The following RNF141 variants were observed in gnomAD, a reference collection of about 807,000 sequenced individuals.
RNF141 encodes the protein ring finger protein 141, also known as C3HC4-like zinc finger protein.
A neutral mutation model predicts 27.4 loss-of-function variants in RNF141; 18 were observed. That is an observed-to-expected ratio of 0.66 (90% CI 0.45 to 0.97). The LOEUF (loss-of-function observed/expected upper bound fraction) is 0.97. Ranked by LOEUF, RNF141 falls within the 50% of genes least tolerant of loss-of-function variation. The pLI is 0.00. For missense variants in RNF141, 230 were observed against 279.4 expected, an observed-to-expected ratio of 0.82 and a Z score of 1.26; for synonymous variants, 97 against 96.6, an observed-to-expected ratio of 1.00 and a Z score of -0.02.
intron 3 of RNF141, among the ~76,000 whole-genome samples, chr11:10,527,907 CACTT>C (rs1352524717): frequency 6.6e-6 from 1 of 152,030 alleles, no homozygotes; most frequent in East Asian, 1.9e-4. Flanking sequence ...TGACAGGACT[CACTT>C]ACAGATTGTC....
chr11:10,533,647 T>C (rs1850008835), intron 2 of RNF141, among the ~76,000 whole-genome samples: 1 of 152,108 alleles, frequency 6.6e-6, no homozygotes, highest in South Asian at 2.1e-4. Context: ...TAGGAGTCTT[T>C]CTCTAGAGTG....
chr11:10,539,371 T>A (rs910876061), intron 1 of RNF141, among the ~76,000 whole-genome samples: 2 of 151,948 alleles, frequency 1.3e-5, no homozygotes, highest in African/African-American at 4.8e-5. Flanking sequence ...TTTAAAAACC[T>A]CTCTGAAACC....
At chr11:10,522,669 A>T (rs1849897336) in intron 4 of RNF141, among the ~76,000 whole-genome samples, 1 of 152,230 alleles carries the variant, frequency 6.6e-6, no homozygotes, top group South Asian at 2.1e-4. Flanking sequence ...AGGCTGGAAA[A>T]GAGAACAGAT....
rs1849843279 is a variant in RNF141 at position 10,516,420 on chromosome 11, G to A, written c.543-1354C>T. 3 of 152,236 alleles carry A rather than the reference G, an allele frequency of 2.0e-5. No individual in the cohort carries two copies. The South Asian group carries it at 6.2e-4, about 31-fold the overall frequency. The allele number at this position is 152,236 out of a possible 1,614,324, so 9.4% of individuals were successfully genotyped here. A position where few individuals can be genotyped will look rare whatever the true frequency, so the allele number is the denominator to read the frequency against. ...CTTGCCTCAGCTTACAGCCTCGAGA[G>A]TTTCTAGCCCCTGATCAAGAAGCGG... On this transcript the variant is annotated intron_variant, in intron 5 of 5. Transcript: ENST00000265981.
chr11:10,513,985 T>C lies in RNF141; in HGVS notation c.*931A>G, dbSNP rs774526642. On this transcript the variant is annotated 3_prime_UTR_variant, in exon 6 of 6. Transcript: ENST00000265981. ...ACCACTGCACTGGCCTCTTGTCTCT[T>C]AATCTAAGAAATTTGAGGACTCTGA... The C allele has an allele frequency of 6.6e-6, 1 of 152,214 alleles. No homozygotes were observed. Among genetic ancestry groups the C allele is most frequent in the Admixed American group, 6.5e-5 (1 of 15,284 alleles). 9.4% of individuals were successfully genotyped at this position (152,214 alleles called of 1,614,324 possible).
At chr11:10,525,540 C>T (rs980859774) in intron 3 of RNF141, among the ~76,000 whole-genome samples, 167 bp from the exon 4 acceptor site, 1 of 152,108 alleles carries the variant, frequency 6.6e-6, no homozygotes, top group Non-Finnish European at 1.5e-5. Context: ...AATACCATGT[C>T]CCCTACACTT....
At chr11:10,539,746 T>TA (rs1235543122) in intron 1 of RNF141, among the ~76,000 whole-genome samples, 1 of 91,814 alleles carries the variant, frequency 1.1e-5, no homozygotes, top group African/African-American at 4.3e-5. Context: ...AGTGCCGTAC[T>TA]AGGAGATTAA....
At chr11:10,515,956 T>C (rs1849839996) in intron 5 of RNF141, 1 of 152,224 alleles carries the variant, frequency 6.6e-6, no homozygotes, top group African/African-American at 2.4e-5. Flanking sequence ...TCAAACATTA[T>C]TTTGGTAATT....
intron 4 of RNF141, among the ~76,000 whole-genome samples, chr11:10,524,272 G>A (rs4910151): frequency 0.2 from 29,850 of 152,026 alleles, 3,869 homozygotes; most frequent in African/African-American, 0.36. Context: ...AAAATTAGCC[G>A]GGCGTGGTGG....
chr11:10,524,947 C>T (rs951670887), intron 4 of RNF141, among the ~76,000 whole-genome samples: 5 of 152,030 alleles, frequency 3.3e-5, no homozygotes, highest in Non-Finnish European at 7.4e-5. Flanking sequence ...GCATATAGAG[C>T]GGATTCCTGG....
intron 3 of RNF141, among the ~76,000 whole-genome samples, chr11:10,528,320 A>G (rs953047869): frequency 1.3e-5 from 2 of 152,174 alleles, no homozygotes; most frequent in African/African-American, 4.8e-5. Flanking sequence ...TTTCAGAAAG[A>G]ACCTAAGGAA....
chr11:10,532,496 T>TACACACACACACACAC (rs10559393), intron 2 of RNF141, among the ~76,000 whole-genome samples: 1 of 131,156 alleles, frequency 7.6e-6, no homozygotes, highest in Non-Finnish European at 1.6e-5. Flanking sequence ...GTTCATTTTC[T>TACACACACACACACAC]ACACACACAC....
At chr11:10,527,000 G>C (rs995995050) in intron 3 of RNF141, among the ~76,000 whole-genome samples, 1 of 152,228 alleles carries the variant, frequency 6.6e-6, no homozygotes, top group African/African-American at 2.4e-5. Flanking sequence ...CTTCAGAGCT[G>C]AGGAAACGGG....
chr11:10,515,745 T>A (rs1849838214), intron 5 of RNF141: 1 of 152,228 alleles, frequency 6.6e-6, no homozygotes, highest in Non-Finnish European at 1.5e-5. Context: ...TACATGACTT[T>A]CAACAATATA....
intron 1 of RNF141, chr11:10,540,915 C>T (rs1264800303): frequency 6.6e-6 from 1 of 152,328 alleles, no homozygotes; most frequent in Non-Finnish European, 1.5e-5. Context: ...TGGAACCCGC[C>T]GGGCAGAAGA....
rs750128344 is a variant in RNF141, at chr11:10,534,071, T to C, written c.88A>G (p.Ser30Gly). The C allele has an allele frequency of 1.2e-6, 2 of 1,613,656 alleles. No homozygotes were observed. The highest frequency in any genetic ancestry group is 1.7e-6 in the Non-Finnish European group (2 of 1,179,660). The change falls in exon 2 of 6, where the codon AGT becomes GGT. Residue 30 changes from serine (S) to glycine (G), a missense_variant. Ser to Gly is a moderately conservative substitution (Grantham distance 56). Transcript: ENST00000265981. Reference sequence around the variant, plus strand: ...AATTCTTCATAAGTTAAGGAGCCACTCTCTCGAACCAACGTAACATGTTTT... The same window carrying C: ...AATTCTTCATAAGTTAAGGAGCCACCCTCTCGAACCAACGTAACATGTTTT... ...VAKHVTLVRE[S>G]GSLTYEEFLG... is the part of the protein sequence containing the mutation.
intron 3 of RNF141, among the ~76,000 whole-genome samples, chr11:10,527,649 G>C (rs1050260072): frequency 6.6e-6 from 1 of 152,120 alleles, no homozygotes; most frequent in Non-Finnish European, 1.5e-5. Context: ...AAGTCACGGG[G>C]GGGGGTTTTG....
At chr11:10,524,589 A>G (rs1849916104) in intron 4 of RNF141, among the ~76,000 whole-genome samples, 1 of 152,224 alleles carries the variant, frequency 6.6e-6, no homozygotes, top group African/African-American at 2.4e-5. Context: ...TCAAATGTCA[A>G]GAAGTGGGAA....
At chr11:10,528,826 T>C (rs1371374831) in intron 3 of RNF141, among the ~76,000 whole-genome samples, 1 of 152,170 alleles carries the variant, frequency 6.6e-6, no homozygotes, top group Admixed American at 6.5e-5. Context: ...AGAGATACAA[T>C]AATGAATCTA....
Sources: allele counts gnomAD v4.1 joint callset (sites outside exome capture counted in the v4.1 genomes callset), GRCh38; gene constraint gnomAD v4.1.1; transcripts MANE v1.5; gene names NCBI Gene and HGNC (gene_info 2026-07-23, HGNC 2026-07-21).